The following ANK2 variants were observed in gnomAD, a reference collection of about 807,000 sequenced individuals.
ANK2 encodes ankyrin-2.
A neutral mutation model predicts 360.5 loss-of-function variants in ANK2; 83 were observed. The ratio of observed to expected loss-of-function variants is 0.23; its 90% confidence interval spans 0.19 to 0.28. The LOEUF (loss-of-function observed/expected upper bound fraction) is 0.28. ANK2 is among the 10% of genes least tolerant of loss of function. The pLI is 1.00. For synonymous variants in ANK2, 1,740 were observed against 1,759.5 expected (o/e 0.99, Z 0.28); for missense variants, 4,201 against 4,795.7 (o/e 0.88, Z 3.66).
At chr4:113,247,681 A>C (rs890587963) in intron 9 of ANK2, among the ~76,000 whole-genome samples, 2 of 152,198 alleles carry the variant, frequency 1.3e-5, no homozygotes, top group African/African-American at 4.8e-5. Context: ...TCTCCACTCT[A>C]TGTATCACGA....
chr4:113,006,792 T>C (rs2053033243), intron 2 of ANK2, among the ~76,000 whole-genome samples: 1 of 152,212 alleles, frequency 6.6e-6, no homozygotes. Context: ...TTTGGTCTAG[T>C]GTTATCTTTT....
upstream of ANK2, among the ~76,000 whole-genome samples, chr4:112,817,280 C>T (rs1490511343): frequency 6.6e-6 from 1 of 152,108 alleles, no homozygotes; most frequent in Non-Finnish European, 1.5e-5. Flanking sequence ...CTCTTACTTC[C>T]TTGTCTTATC....
intron 43 of ANK2, chr4:113,372,745 C>A: frequency 1.4e-6 from 1 of 705,318 alleles, no homozygotes; most frequent in Non-Finnish European, 2.4e-6. Flanking sequence ...CATTCAAAAG[C>A]AGATCCCTTA....
the ANK2 span, among the ~76,000 whole-genome samples, chr4:112,792,519 C>T: frequency 1.3e-5 from 2 of 152,174 alleles, no homozygotes; most frequent in Non-Finnish European, 2.9e-5. Flanking sequence ...AGAGGATCCA[C>T]AGTCTACAAT....
intron 1 of ANK2, among the ~76,000 whole-genome samples, chr4:113,169,054 G>A (rs1434179013): frequency 6.6e-6 from 1 of 152,150 alleles, no homozygotes; most frequent in Non-Finnish European, 1.5e-5. Flanking sequence ...TTTAAAAAAA[G>A]TCATGTGTGT....
chr4:112,873,971 T>G (rs984460295), intron 1 of ANK2, among the ~76,000 whole-genome samples: 4 of 152,152 alleles, frequency 2.6e-5, no homozygotes, highest in African/African-American at 9.7e-5. Context: ...ATGTTCCATG[T>G]GTGAAAGTGA....
intron 1 of ANK2, chr4:113,117,066 G>A: frequency 5.7e-6 from 2 of 348,578 alleles, no homozygotes; most frequent in East Asian, 7.4e-5. Context: ...TGGAGGTCTC[G>A]GTTTGGGACC....
At chr4:113,247,161 GAAA>G (rs780555782) in intron 9 of ANK2, among the ~76,000 whole-genome samples, 2 of 121,500 alleles carry the variant, frequency 1.6e-5, no homozygotes, top group African/African-American at 6.0e-5. Context: ...TGATTCTAGA[GAAA>G]AAAAAAAAAA....
At chr4:112,956,204 T>G (rs930595299) in intron 2 of ANK2, among the ~76,000 whole-genome samples, 3 of 152,254 alleles carry the variant, frequency 2.0e-5, no homozygotes, top group Non-Finnish European at 4.4e-5. Flanking sequence ...TTTTTCATCT[T>G]AACTAAGCAC....
At chr4:113,209,645 C>T (rs1001200708) in intron 4 of ANK2, among the ~76,000 whole-genome samples, 1 of 151,890 alleles carries the variant, frequency 6.6e-6, no homozygotes, top group African/African-American at 2.4e-5. Context: ...TCCCTGATGG[C>T]TTGCAGGTAA....
intron 4 of ANK2, among the ~76,000 whole-genome samples, chr4:113,226,757 A>G (rs545372214): frequency 7.2e-5 from 11 of 152,138 alleles, no homozygotes; most frequent in African/African-American, 2.6e-4. Flanking sequence ...AATAATTCAT[A>G]GTTTTCTATG....
chr4:112,888,449 A>C (rs2079024621), intron 1 of ANK2, among the ~76,000 whole-genome samples: 1 of 152,184 alleles, frequency 6.6e-6, no homozygotes, highest in African/African-American at 2.4e-5. Flanking sequence ...TTCTGAAAAT[A>C]ACAAGGGTTT....
At chr4:113,035,109 A>G (rs962631231) in intron 2 of ANK2, among the ~76,000 whole-genome samples, 4 of 151,834 alleles carry the variant, frequency 2.6e-5, no homozygotes, top group Non-Finnish European at 5.9e-5. Context: ...TGTGGAAGAA[A>G]TAACAGATAC....
intron 2 of ANK2, among the ~76,000 whole-genome samples, chr4:112,946,526 G>T (rs2154250106): frequency 6.6e-6 from 1 of 152,340 alleles, no homozygotes; most frequent in Non-Finnish European, 1.5e-5. Context: ...AATCTGGGGA[G>T]AATTAGAAGG....
chr4:113,173,596 G>A (rs534553283), intron 1 of ANK2, among the ~76,000 whole-genome samples: 10 of 152,150 alleles, frequency 6.6e-5, no homozygotes, highest in Admixed American at 4.6e-4. Flanking sequence ...CCAGGGGGCC[G>A]TGTGATTGTA....
intron 1 of ANK2, chr4:113,145,655 T>C: frequency 5.3e-5 from 59 of 1,122,330 alleles, no homozygotes; most frequent in Non-Finnish European, 6.5e-5. Context: ...GGTCACTGAA[T>C]GCAGCCTGCA....
At chr4:112,736,823 C>A in the ANK2 span, among the ~76,000 whole-genome samples, 15 of 152,264 alleles carry the variant, frequency 9.9e-5, no homozygotes, top group Middle Eastern at 6.8e-3. Flanking sequence ...CATCACTAGA[C>A]CACTAGTCTT....
At chr4:112,834,738 T>C (rs890782831) in intron 1 of ANK2, among the ~76,000 whole-genome samples, 4 of 152,226 alleles carry the variant, frequency 2.6e-5, no homozygotes, top group African/African-American at 7.2e-5. Flanking sequence ...CTTTTTGCAG[T>C]TGGATTGTTT....
chr4:113,035,860 G>T (rs1400206184), intron 2 of ANK2, among the ~76,000 whole-genome samples: 1 of 151,936 alleles, frequency 6.6e-6, no homozygotes, highest in Non-Finnish European at 1.5e-5. Flanking sequence ...AAATCGGAAA[G>T]AGGAGAGGGA....
Sources: gnomAD v4.1 joint callset for allele counts (sites outside exome capture counted in the v4.1 genomes callset) on GRCh38, gnomAD v4.1.1 for gene constraint, MANE v1.5 for transcripts, NCBI Gene and HGNC (gene_info 2026-07-23, HGNC 2026-07-21) for gene names.